The following FRMD4A variants were observed in gnomAD, a reference collection of about 807,000 sequenced individuals.
The protein encoded by FRMD4A is FERM domain containing 4A.
Under a neutral mutation model 129.1 loss-of-function variants are expected in FRMD4A, and 29 were observed. The ratio of observed to expected loss-of-function variants is 0.22; its 90% confidence interval spans 0.17 to 0.31. The LOEUF (loss-of-function observed/expected upper bound fraction) is 0.31, where lower values mean the gene tolerates loss of function less well. Ranked by LOEUF, FRMD4A falls within the 10% of genes least tolerant of loss-of-function variation. The pLI, the probability that FRMD4A is intolerant of heterozygous loss-of-function variation, is 1.00. For synonymous variants in FRMD4A, 634 were observed against 571.6 expected (o/e 1.11, Z -1.56); for missense variants, 1,272 against 1,375.8 (o/e 0.92, Z 1.19).
chr10:14,161,794 A>G (rs1840900151), intron 2 of FRMD4A, among the ~76,000 whole-genome samples: 1 of 152,184 alleles, frequency 6.6e-6, no homozygotes, highest in South Asian at 2.1e-4. Context: ...ATTTTTGAAA[A>G]TACCTAGATT....
chr10:13,661,052 G>C (rs926793230), intron 19 of FRMD4A, among the ~76,000 whole-genome samples: 1 of 152,040 alleles, frequency 6.6e-6, no homozygotes, highest in African/African-American at 2.4e-5. Flanking sequence ...ATGAATGAGG[G>C]TCTATATGTC....
At chr10:13,973,097 A>G (rs1419219606) in intron 2 of FRMD4A, among the ~76,000 whole-genome samples, 1 of 152,194 alleles carries the variant, frequency 6.6e-6, no homozygotes, top group East Asian at 1.9e-4. Context: ...TCTTGATCTG[A>G]CCGATGGAAA....
chr10:13,770,958 C>T (rs766877726), intron 6 of FRMD4A, among the ~76,000 whole-genome samples: 14 of 152,164 alleles, frequency 9.2e-5, no homozygotes, highest in African/African-American at 2.9e-4. Context: ...GATGAGATGA[C>T]GTCATCTGAT....
chr10:14,245,433 G>A (rs904042551), intron 2 of FRMD4A, among the ~76,000 whole-genome samples: 11 of 152,220 alleles, frequency 7.2e-5, no homozygotes, highest in Admixed American at 6.5e-5. Context: ...AGAGAGGAAT[G>A]TCTAGAGTAT....
At chr10:14,175,304 T>A (rs1461224326) in intron 2 of FRMD4A, among the ~76,000 whole-genome samples, 1 of 152,100 alleles carries the variant, frequency 6.6e-6, no homozygotes, top group Non-Finnish European at 1.5e-5. Flanking sequence ...ATTCTTGTAC[T>A]CACAAGACAT....
At chr10:14,057,895 G>A (rs1834618035) in intron 2 of FRMD4A, among the ~76,000 whole-genome samples, 1 of 152,190 alleles carries the variant, frequency 6.6e-6, no homozygotes, top group East Asian at 1.9e-4. Context: ...CACTGGTTGT[G>A]TCGGTTTCTC....
intron 2 of FRMD4A, among the ~76,000 whole-genome samples, chr10:14,232,847 T>C (rs555529483): frequency 5.9e-5 from 9 of 152,322 alleles, no homozygotes; most frequent in Non-Finnish European, 1.2e-4. Flanking sequence ...GTTTTCTAGG[T>C]AGAGAATCAA....
At chr10:13,848,614 G>A (rs1319018143) in intron 3 of FRMD4A, among the ~76,000 whole-genome samples, 1 of 112,250 alleles carries the variant, frequency 8.9e-6, no homozygotes, top group African/African-American at 3.2e-5. Flanking sequence ...GTGTACGTGT[G>A]TGTGTGTGTG....
intron 2 of FRMD4A, among the ~76,000 whole-genome samples, chr10:13,991,348 C>T (rs2095602557): frequency 6.6e-6 from 1 of 152,202 alleles, no homozygotes; most frequent in African/African-American, 2.4e-5. Context: ...TGTCATCCCC[C>T]AGGCATAGCT....
At chr10:13,729,433 C>T (rs1177456827) in intron 12 of FRMD4A, 2 of 152,190 alleles carry the variant, frequency 1.3e-5, no homozygotes, top group African/African-American at 4.8e-5. Context: ...GCGGCGCACT[C>T]GGCAGAACGT....
intron 2 of FRMD4A, among the ~76,000 whole-genome samples, chr10:13,878,222 C>CA (rs34559071): frequency 0.39 from 35,907 of 90,950 alleles, 6,274 homozygotes; most frequent in East Asian, 0.46. Context: ...CTACTTGTAG[C>CA]AAAAAAAAAA....
intron 2 of FRMD4A, among the ~76,000 whole-genome samples, chr10:13,959,710 C>A (rs1438079056): frequency 2.0e-5 from 3 of 152,146 alleles, no homozygotes; most frequent in Non-Finnish European, 4.4e-5. Context: ...CAAGCTCATG[C>A]ATGTGCTCAG....
At chr10:13,812,662 C>T (rs569208964) in intron 3 of FRMD4A, among the ~76,000 whole-genome samples, 1 of 152,340 alleles carries the variant, frequency 6.6e-6, no homozygotes, top group South Asian at 2.1e-4. Context: ...TTCTGTCTCA[C>T]TCCTGGGCTC....
intron 2 of FRMD4A, among the ~76,000 whole-genome samples, chr10:14,182,125 C>A (rs930176257): frequency 6.6e-6 from 1 of 152,096 alleles, no homozygotes; most frequent in Non-Finnish European, 1.5e-5. Context: ...ACCAAACTGC[C>A]GTATAATTGT....
At chr10:14,123,067 G>C (rs1413264191) in intron 2 of FRMD4A, among the ~76,000 whole-genome samples, 1 of 151,698 alleles carries the variant, frequency 6.6e-6, no homozygotes, top group African/African-American at 2.4e-5. Flanking sequence ...TTCTATTTTT[G>C]AATATATTTG....
chr10:14,230,643 C>T (rs1843607788), intron 2 of FRMD4A, among the ~76,000 whole-genome samples: 1 of 152,112 alleles, frequency 6.6e-6, no homozygotes, highest in South Asian at 2.1e-4. Context: ...CCAACTTTTA[C>T]TGTAGGTTCA....
chr10:14,059,238 G>A lies in FRMD4A; in HGVS notation c.46-200326C>T, dbSNP rs1834689873. 1.3e-5 allele frequency among the ~76,000 whole-genome samples: 2 copies of A among 152,194 alleles called. 1 individual carries two copies. Among genetic ancestry groups the A allele is most frequent in the South Asian group, 4.1e-4 (2 of 4,826 alleles). On this transcript the variant is annotated intron_variant, in intron 2 of 24. Coordinates refer to ENST00000357447, the MANE Select transcript of FRMD4A (RefSeq NM_018027.5). The stretch of plus-strand genomic sequence containing the variant: ...CTCCTCCCTCCTCTGGAATTCCAGT[G>A]CTGTTACCTCCTAAATGAAGAATAA...
intron 8 of FRMD4A, among the ~76,000 whole-genome samples, chr10:13,755,332 C>T (rs186601259): frequency 4.8e-4 from 73 of 152,228 alleles, no homozygotes; most frequent in African/African-American, 1.7e-3. Flanking sequence ...TATTAATTCA[C>T]ACATGGCTCT....
At chr10:13,759,126 C>A (rs993031576) in intron 8 of FRMD4A, among the ~76,000 whole-genome samples, 1 of 152,156 alleles carries the variant, frequency 6.6e-6, no homozygotes, top group Admixed American at 6.5e-5. Context: ...TCACCCCCAC[C>A]GTCCATGGTG....
Sources: gnomAD v4.1 joint callset for allele counts (sites outside exome capture counted in the v4.1 genomes callset) on GRCh38, gnomAD v4.1.1 for gene constraint, MANE v1.5 for transcripts, NCBI Gene and HGNC (gene_info 2026-07-23, HGNC 2026-07-21) for gene names.